DPYD: variants seen among roughly 807,000 people sequenced by gnomAD.
DPYD encodes the protein dihydropyrimidine dehydrogenase [NADP(+)].
A neutral mutation model predicts 116.2 loss-of-function variants in DPYD; 109 were observed. The observed-to-expected ratio is 0.94, with a 90% CI of 0.80 to 1.10. The LOEUF (loss-of-function observed/expected upper bound fraction) is 1.10, where lower values mean the gene tolerates loss of function less well. Ranked by LOEUF, DPYD falls within the 50% of genes least tolerant of loss-of-function variation. DPYD has a pLI of 0.00. For synonymous variants in DPYD, 440 were observed against 432.0 expected, an observed-to-expected ratio of 1.02 and a Z score of -0.23; for missense variants, 1,302 against 1,254.5, an observed-to-expected ratio of 1.04 and a Z score of -0.57.
At chr1:97,636,365 TCC>T (rs1291819514) in intron 8 of DPYD, among the ~76,000 whole-genome samples, 5 of 152,082 alleles carry the variant, frequency 3.3e-5, no homozygotes, top group Admixed American at 3.3e-4. Context: ...TATTTCTTAC[TCC>T]TAGATTACAA....
At chr1:97,148,281 T>C (rs1654783495) in intron 20 of DPYD, among the ~76,000 whole-genome samples, 1 of 151,710 alleles carries the variant, frequency 6.6e-6, no homozygotes. Context: ...TCTTTTGGGA[T>C]ATCTGCTTTG....
intron 8 of DPYD, among the ~76,000 whole-genome samples, chr1:97,650,494 A>G (rs553848093): frequency 1.3e-5 from 2 of 152,334 alleles, no homozygotes; most frequent in South Asian, 2.1e-4. Flanking sequence ...AATTACGCAC[A>G]CAATTTGAAA....
At chr1:97,324,104 G>T (rs541046632) in intron 16 of DPYD, among the ~76,000 whole-genome samples, 1 of 152,098 alleles carries the variant, frequency 6.6e-6, no homozygotes, top group African/African-American at 2.4e-5. Context: ...CCCTGGTAGA[G>T]GCTGTATTAG....
chr1:97,889,493 T>C (rs556344934), intron 1 of DPYD, among the ~76,000 whole-genome samples: 19 of 152,048 alleles, frequency 1.2e-4, no homozygotes, highest in Admixed American at 2.0e-4. Context: ...ACAACAAACT[T>C]TTAAAGAAAC....
intron 16 of DPYD, among the ~76,000 whole-genome samples, chr1:97,324,900 A>G (rs565973284): frequency 6.6e-6 from 1 of 152,184 alleles, no homozygotes; most frequent in East Asian, 1.9e-4. Context: ...AAATATCTTG[A>G]GGCACTGAAG....
intron 19 of DPYD, among the ~76,000 whole-genome samples, chr1:97,203,636 A>G (rs1340980951): frequency 6.7e-6 from 1 of 148,308 alleles, no homozygotes; most frequent in Non-Finnish European, 1.5e-5. Flanking sequence ...AAAAAAAATA[A>G]AAAAAATAAT....
chr1:97,440,303 C>T (rs1675704048), intron 14 of DPYD, among the ~76,000 whole-genome samples: 1 of 151,674 alleles, frequency 6.6e-6, no homozygotes, highest in Non-Finnish European at 1.5e-5. Flanking sequence ...AATCTCTGCC[C>T]TTTAATTGCG....
chr1:97,613,543 G>C (rs1447707968), intron 8 of DPYD, among the ~76,000 whole-genome samples: 2 of 152,012 alleles, frequency 1.3e-5, no homozygotes, highest in East Asian at 3.9e-4. Context: ...TGAGTGTGCT[G>C]GTGAGACTTT....
intron 14 of DPYD, among the ~76,000 whole-genome samples, chr1:97,440,677 CT>C (rs1386633174): frequency 6.6e-6 from 1 of 152,120 alleles, no homozygotes; most frequent in Non-Finnish European, 1.5e-5. Flanking sequence ...GTACATTTAG[CT>C]TTATGTATGC....
At chr1:97,266,231 C>T (rs1664216300) in intron 18 of DPYD, among the ~76,000 whole-genome samples, 1 of 151,938 alleles carries the variant, frequency 6.6e-6, no homozygotes, top group African/African-American at 2.4e-5. Context: ...TAATAAATGC[C>T]CCTAGGCAGC....
intron 13 of DPYD, among the ~76,000 whole-genome samples, chr1:97,503,501 C>T (rs1039112357): frequency 1.3e-5 from 2 of 151,986 alleles, no homozygotes; most frequent in African/African-American, 4.8e-5. Context: ...AGGCCCCTTC[C>T]TGAGAGACAT....
intron 3 of DPYD, among the ~76,000 whole-genome samples, chr1:97,821,209 T>C (rs959826213): frequency 1.3e-5 from 2 of 151,102 alleles, no homozygotes; most frequent in Middle Eastern, 6.9e-3. Flanking sequence ...CACATGCCTG[T>C]AATCCCAGCT....
chr1:97,541,036 C>T (rs1650415355), intron 12 of DPYD, among the ~76,000 whole-genome samples: 1 of 152,138 alleles, frequency 6.6e-6, no homozygotes, highest in Non-Finnish European at 1.5e-5. Context: ...GCTCTCTTAA[C>T]CAAGTTGGTT....
rs546420721 is a variant in DPYD, at chr1:97,261,977, A to AT, written c.2300-26984dup. ...TTCTCCTGCTATTCCTACTGCCTGAATTTTTTTTTGTTTTTGTCTTCTTCT... is the reference window on the plus strand; with the variant it reads ...TTCTCCTGCTATTCCTACTGCCTGAATTTTTTTTTTGTTTTTGTCTTCTTCT... On this transcript the variant is annotated intron_variant, in intron 18 of 22. Coordinates refer to ENST00000370192, the MANE Select transcript of DPYD (RefSeq NM_000110.4). 6.9e-4 allele frequency among the ~76,000 whole-genome samples: 105 copies of AT among 151,422 alleles called. 3 individuals are homozygous for AT. The highest frequency in any genetic ancestry group is 3.4e-3 in the Middle Eastern group (1 of 294).
At position 97,306,189 on chromosome 1, in the gene DPYD, CT is replaced by C; in HGVS notation, c.2166del (p.Ala723LeufsTer19). 6.2e-7 allele frequency: 1 copy of C among 1,612,524 alleles called. No individual in the cohort carries two copies. The highest frequency in any genetic ancestry group is 8.5e-7 in the Non-Finnish European group (1 of 1,178,874). On this transcript the variant is annotated frameshift_variant, in exon 17 of 23. Coordinates refer to ENST00000370192, the MANE Select transcript of DPYD (RefSeq NM_000110.4). LOFTEE classifies it high-confidence loss of function. The stretch of plus-strand genomic sequence containing the variant: ...GTCAAGTTCTTACCTTCCTTTGCAG[CT>C]CTTGCGATGCTCACAATATCAGTGA... ...PNVTDIVSIA[R>X]AAKEGGANGV...
At chr1:97,512,351 T>C (rs1421671482) in intron 13 of DPYD, among the ~76,000 whole-genome samples, 1 of 151,916 alleles carries the variant, frequency 6.6e-6, no homozygotes, top group Non-Finnish European at 1.5e-5. Flanking sequence ...AATCTATTCA[T>C]TTGAGATATT....
chr1:97,770,034 A>G (rs893527995), intron 3 of DPYD, among the ~76,000 whole-genome samples: 4 of 152,250 alleles, frequency 2.6e-5, no homozygotes, highest in African/African-American at 9.6e-5. Flanking sequence ...GATATTAAAA[A>G]GCCATTCAAT....
At chr1:97,796,394 T>C (rs534828417) in intron 3 of DPYD, among the ~76,000 whole-genome samples, 3 of 152,210 alleles carry the variant, frequency 2.0e-5, no homozygotes, top group Non-Finnish European at 4.4e-5. Context: ...AAAATAAAAC[T>C]GGAATCTCTG....
chr1:97,792,002 T>G (rs1272090158), intron 3 of DPYD, among the ~76,000 whole-genome samples: 1 of 152,204 alleles, frequency 6.6e-6, no homozygotes, highest in African/African-American at 2.4e-5. Context: ...AAAAAAACTA[T>G]ATTTTTAAAT....
Sources: allele counts gnomAD v4.1 joint callset (sites outside exome capture counted in the v4.1 genomes callset), GRCh38; gene constraint gnomAD v4.1.1; transcripts MANE v1.5; gene names NCBI Gene and HGNC (gene_info 2026-07-23, HGNC 2026-07-21).